Variants in PALMD observed in about 807,000 individuals in gnomAD.
PALMD encodes the protein paralemmin-like protein.
PALMD carries 42 observed loss-of-function variants against 56.2 expected under a neutral mutation model. The ratio of observed to expected loss-of-function variants is 0.75; its 90% CI spans 0.58 to 0.97. The LOEUF is 0.97. Ranked by LOEUF, PALMD falls within the 50% of genes least tolerant of loss-of-function variation. The probability of loss-of-function intolerance (pLI) is 0.00; values close to 1 mark genes in which losing one functional copy is unlikely to be tolerated. For missense variants in PALMD, 660 were observed against 643.8 expected (o/e 1.03, Z -0.27); for synonymous variants, 242 against 222.9 (o/e 1.09, Z -0.76).
intron 1 of PALMD, among the ~76,000 whole-genome samples, chr1:99,657,650 A>G (rs1445080206): frequency 6.6e-6 from 1 of 152,152 alleles, no homozygotes; most frequent in Non-Finnish European, 1.5e-5. Flanking sequence ...CCTTATCTCA[A>G]TATGTAAATA....
chr1:99,664,764 A>G (rs567653085), intron 2 of PALMD, among the ~76,000 whole-genome samples: 1 of 152,310 alleles, frequency 6.6e-6, no homozygotes, highest in Admixed American at 6.5e-5. Flanking sequence ...TTCTTCATCC[A>G]TTCGTCCTAG....
At chr1:99,653,089 A>C (rs895012198) in intron 1 of PALMD, among the ~76,000 whole-genome samples, 1 of 152,180 alleles carries the variant, frequency 6.6e-6, no homozygotes, top group African/African-American at 2.4e-5. Flanking sequence ...GGAATTCTCA[A>C]GACAAAGACA....
chr1:99,653,793 A>T (rs1258945791), intron 1 of PALMD, among the ~76,000 whole-genome samples: 1 of 152,092 alleles, frequency 6.6e-6, no homozygotes, highest in African/African-American at 2.4e-5. Flanking sequence ...GTTCTGACAT[A>T]ATGTACCAGA....
chr1:99,652,684 GGAAAGGAAAGGAAAAGAAAA>G (rs1376763987), intron 1 of PALMD, among the ~76,000 whole-genome samples: 67 of 70,920 alleles, frequency 9.4e-4, no homozygotes, highest in African/African-American at 3.3e-3. Context: ...GGAAAGGAAA[GGAAAGGAAAGGAAAAGAAAA>G]GAAAAGAAAA....
intron 3 of PALMD, chr1:99,669,097 TACAA>T (rs1158694042): frequency 6.6e-6 from 1 of 152,220 alleles, no homozygotes; most frequent in Non-Finnish European, 1.5e-5. Flanking sequence ...CACTGCACTA[TACAA>T]ACAGATCTCA....
rs1162175881 is a variant in PALMD at position 99,689,655 on chromosome 1, C to T, written c.1395C>T (p.Pro465=). ...AAGCAGAGAAACCGTCCTACCACCC[C>T]ATAGCTCCCCATAGTCAGGTGTACC... The part of the protein sequence containing the change: ...EGEAEKPSYH[P]IAPHSQVYQP... The change falls in exon 7 of 8, where the codon CCC becomes CCT. Residue 465 remains proline (P), a synonymous_variant. Coordinates refer to ENST00000263174, the MANE Select transcript of PALMD (RefSeq NM_017734.5). 1.9e-6 allele frequency: 3 copies of T among 1,613,586 alleles called. No individual in the cohort carries two copies. The highest frequency in any genetic ancestry group is 1.3e-5 in the African/African-American group (1 of 74,878).
intron 2 of PALMD, 93 bp from the exon 3 acceptor site, chr1:99,667,549 C>T: frequency 1.0e-6 from 1 of 986,410 alleles, no homozygotes; most frequent in South Asian, 1.4e-5. Context: ...TTTAACGTGT[C>T]ACCTATTGAA....
chr1:99,649,446 G>A (rs1163300438), intron 1 of PALMD, among the ~76,000 whole-genome samples: 1 of 152,156 alleles, frequency 6.6e-6, no homozygotes, highest in Non-Finnish European at 1.5e-5. Flanking sequence ...TGGAACTGAG[G>A]ATACCAATGA....
intron 1 of PALMD, among the ~76,000 whole-genome samples, chr1:99,652,424 TG>T (rs1652607075): frequency 6.6e-6 from 1 of 151,890 alleles, no homozygotes; most frequent in Non-Finnish European, 1.5e-5. Flanking sequence ...GCCAACATGG[TG>T]AAACCCTGTC....
chr1:99,663,865 A>T, intron 2 of PALMD, among the ~76,000 whole-genome samples: 1 of 152,134 alleles, frequency 6.6e-6, no homozygotes, highest in East Asian at 1.9e-4. Flanking sequence ...CTTGCCAAAA[A>T]CAGTCTGGAA....
At chr1:99,683,097 A>G (rs933532249) in intron 3 of PALMD, among the ~76,000 whole-genome samples, 1 of 62,476 alleles carries the variant, frequency 1.6e-5, no homozygotes. Flanking sequence ...AGAGAAAGAA[A>G]GAAAGAAAGA....
At chr1:99,648,313 T>C (rs1383459365) in intron 1 of PALMD, among the ~76,000 whole-genome samples, 1 of 152,212 alleles carries the variant, frequency 6.6e-6, no homozygotes, top group African/African-American at 2.4e-5. Context: ...GGTGTGTCCA[T>C]GGAAACAACA....
At chr1:99,659,610 A>G (rs894093184) in intron 1 of PALMD, among the ~76,000 whole-genome samples, 8 of 152,222 alleles carry the variant, frequency 5.3e-5, no homozygotes, top group Non-Finnish European at 1.2e-4. Context: ...TATACTAGCA[A>G]TCGAGCTAGA....
intron 1 of PALMD, among the ~76,000 whole-genome samples, chr1:99,648,888 CAAA>C (rs34722891): frequency 2.4e-5 from 3 of 126,924 alleles, no homozygotes; most frequent in Non-Finnish European, 3.3e-5. Context: ...TTCTTTTTCT[CAAA>C]AAAAAAAAAA....
In PALMD at chr1:99,687,169, A is replaced by G. The variant is rs764960579; in HGVS notation, c.494A>G (p.Asp165Gly). 3.1e-6 allele frequency: 5 copies of G among 1,602,318 alleles called. No individual in the cohort carries two copies. In the South Asian group the frequency reaches 3.3e-5, roughly 11 times the overall value. The change falls in exon 6 of 8, where the codon GAT (aspartate) becomes GGT (glycine). Residue 165 changes from aspartate to glycine, a missense_variant. Physicochemically the swap from Asp to Gly is moderately conservative, Grantham distance 94. Coordinates refer to ENST00000263174, the MANE Select transcript of PALMD (RefSeq NM_017734.5). ...LRKEINEEKE[D>G]DEQNRKALYA... Reference sequence around the variant, plus strand: ...AAGGAGATAAATGAAGAAAAAGAAGATGATGAACAAAATAGGAAAGGTATA... The same window carrying G: ...AAGGAGATAAATGAAGAAAAAGAAGGTGATGAACAAAATAGGAAAGGTATA...
intron 3 of PALMD, among the ~76,000 whole-genome samples, chr1:99,678,316 G>A (rs907636111): frequency 7.9e-5 from 12 of 151,930 alleles, no homozygotes; most frequent in African/African-American, 2.7e-4. Context: ...TGTTGGCCGG[G>A]CTGGTCTCGA....
intron 7 of PALMD, among the ~76,000 whole-genome samples, chr1:99,692,614 C>T (rs1040526599): frequency 2.0e-5 from 3 of 152,116 alleles, no homozygotes; most frequent in African/African-American, 7.2e-5. Context: ...CCACAGCACA[C>T]AGGATGTGCC....
intron 3 of PALMD, among the ~76,000 whole-genome samples, chr1:99,682,932 G>T (rs1367787119): frequency 6.6e-6 from 1 of 151,344 alleles, no homozygotes; most frequent in African/African-American, 2.4e-5. Flanking sequence ...CTCGAACCTG[G>T]GAGGCAGAGG....
In PALMD at chr1:99,667,777, C is replaced by G. The variant is rs1652999555; in HGVS notation, c.251+11C>G. On this transcript the variant is annotated intron_variant, in intron 3 of 7. Coordinates refer to ENST00000263174, the MANE Select transcript of PALMD (RefSeq NM_017734.5). The stretch of plus-strand genomic sequence containing the variant: ...ACAAAGTATCCTCAGGTATGGCCCT[C>G]ACTGAGATACTCCACAACTACCTTT... 1 of 1,610,800 alleles carries G rather than the reference C, an allele frequency of 6.2e-7. No homozygotes were observed. The highest frequency in any genetic ancestry group is 1.7e-5 in the Admixed American group (1 of 59,918).
Sources: gnomAD v4.1 joint callset for allele counts (sites outside exome capture counted in the v4.1 genomes callset) on GRCh38, gnomAD v4.1.1 for gene constraint, MANE v1.5 for transcripts, NCBI Gene and HGNC (gene_info 2026-07-23, HGNC 2026-07-21) for gene names.